The following MSRB3 variants were observed in gnomAD, a reference collection of about 807,000 sequenced individuals.
MSRB3 encodes methionine-R-sulfoxide reductase B3.
MSRB3 carries 13 observed loss-of-function variants against 21.0 expected under a neutral mutation model. The ratio of observed to expected loss-of-function variants is 0.62; its 90% CI spans 0.40 to 0.98. The LOEUF (loss-of-function observed/expected upper bound fraction) is 0.98. Ranked by LOEUF, MSRB3 falls within the 50% of genes least tolerant of loss-of-function variation. The pLI is 0.00. For missense variants in MSRB3, 199 were observed against 230.3 expected, an observed-to-expected ratio of 0.86 and a Z score of 0.88; for synonymous variants, 87 against 88.6, an observed-to-expected ratio of 0.98 and a Z score of 0.10.
rs186876248 is a variant in MSRB3 at position 65,312,116 on chromosome 12, A to C, written c.76+3461A>C. On this transcript the variant is annotated intron_variant, in intron 2 of 6. Coordinates refer to ENST00000308259, the MANE Select transcript of MSRB3 (RefSeq NM_001031679.3). ...CTGTCCTTAACTTGCGTGACCTTGA[A>C]CAAATCAATAAACTTCTCCTGATCA... Among the ~76,000 whole-genome samples, 12 of 152,216 alleles carry C rather than the reference A, an allele frequency of 7.9e-5. 1 individual carries two copies. In the East Asian group the frequency reaches 2.3e-3, roughly 29 times the overall value.
intron 4 of MSRB3, among the ~76,000 whole-genome samples, chr12:65,349,445 A>G (rs1224308713): frequency 6.6e-6 from 1 of 151,624 alleles, no homozygotes; most frequent in Non-Finnish European, 1.5e-5. Context: ...GGCTGGGTCA[A>G]ATGGTATTTC....
intron 6 of MSRB3, among the ~76,000 whole-genome samples, chr12:65,459,724 A>G (rs1330670754): frequency 2.6e-5 from 4 of 152,240 alleles, no homozygotes; most frequent in Non-Finnish European, 5.9e-5. Context: ...CATCCTAGGA[A>G]TAGCTAGGAG....
At chr12:65,434,577 G>A (rs1175465416) in intron 5 of MSRB3, among the ~76,000 whole-genome samples, 2 of 151,782 alleles carry the variant, frequency 1.3e-5, no homozygotes. Flanking sequence ...AATAAGCGTT[G>A]GGACTTGGAG....
chr12:65,378,814 T>G (rs1359906023), intron 5 of MSRB3, among the ~76,000 whole-genome samples: 3 of 152,334 alleles, frequency 2.0e-5, no homozygotes, highest in Middle Eastern at 3.4e-3. Flanking sequence ...AATTTTCACA[T>G]GAGTGAGAAT....
intron 2 of MSRB3, among the ~76,000 whole-genome samples, chr12:65,317,784 G>A (rs543999219): frequency 3.9e-5 from 6 of 152,220 alleles, no homozygotes; most frequent in Admixed American, 3.9e-4. Context: ...GATTTATTAA[G>A]CAAATGTTAT....
intron 1 of MSRB3, chr12:65,281,557 CA>C (rs1228922078): frequency 6.6e-6 from 1 of 152,186 alleles, no homozygotes; most frequent in Non-Finnish European, 1.5e-5. Flanking sequence ...CACAAAGATA[CA>C]TACATACCTG....
intron 6 of MSRB3, among the ~76,000 whole-genome samples, chr12:65,457,818 C>A (rs1883159359): frequency 6.6e-6 from 1 of 151,170 alleles, no homozygotes; most frequent in South Asian, 2.1e-4. Context: ...CAAAAGAAGA[C>A]ATTTATGCAG....
intron 4 of MSRB3, among the ~76,000 whole-genome samples, chr12:65,359,993 T>C (rs1027327712): frequency 1.3e-5 from 2 of 152,022 alleles, no homozygotes; most frequent in Admixed American, 1.3e-4. Flanking sequence ...AAGATCAAGA[T>C]GTCACCAGGT....
chr12:65,429,828 A>G (rs1036466849), intron 5 of MSRB3, among the ~76,000 whole-genome samples: 2 of 152,210 alleles, frequency 1.3e-5, no homozygotes, highest in Non-Finnish European at 2.9e-5. Flanking sequence ...TGCACAGTTC[A>G]TACAGACCTC....
intron 5 of MSRB3, among the ~76,000 whole-genome samples, chr12:65,414,917 T>TTG: frequency 6.6e-6 from 1 of 152,154 alleles, no homozygotes; most frequent in South Asian, 2.1e-4. Flanking sequence ...TAGAGGTGCT[T>TTG]ATAAGTCATC....
chr12:65,357,381 A>G (rs770404264), intron 4 of MSRB3, among the ~76,000 whole-genome samples: 65 of 152,010 alleles, frequency 4.3e-4, no homozygotes, highest in Non-Finnish European at 4.7e-4. Context: ...TAAAAAATCG[A>G]CTTCATTTTT....
intron 5 of MSRB3, among the ~76,000 whole-genome samples, chr12:65,385,246 C>T (rs1368772428): frequency 6.6e-6 from 1 of 152,024 alleles, no homozygotes; most frequent in Admixed American, 6.5e-5. Flanking sequence ...AAATATGTGG[C>T]AAATTATATG....
intron 5 of MSRB3, among the ~76,000 whole-genome samples, chr12:65,437,666 C>G (rs1243526155): frequency 6.6e-6 from 1 of 151,730 alleles, no homozygotes; most frequent in East Asian, 1.9e-4. Flanking sequence ...TGTCATGACA[C>G]TGTTTGCCTA....
intron 2 of MSRB3, among the ~76,000 whole-genome samples, chr12:65,325,319 C>T (rs771978183): frequency 5.3e-5 from 8 of 152,130 alleles, no homozygotes; most frequent in Non-Finnish European, 1.2e-4. Context: ...ATCAACATGC[C>T]ATTAGTGACA....
In MSRB3 at chr12:65,391,992, T is replaced by C. The variant is rs76197069; in HGVS notation, c.292+22966T>C. Among the ~76,000 whole-genome samples, 975 of 152,292 alleles carry C rather than the reference T, an allele frequency of 6.4e-3. 9 individuals are homozygous for C. Among genetic ancestry groups the C allele is most frequent in the Non-Finnish European group, 7.7e-3 (527 of 68,034 alleles). ...GGCCTGCCTGATTTTCCTGCTACAGTAGTACTGTTACGTGCACCTGGAATT... is the reference window on the plus strand; with the variant it reads ...GGCCTGCCTGATTTTCCTGCTACAGCAGTACTGTTACGTGCACCTGGAATT... On this transcript the variant is annotated intron_variant, in intron 5 of 6. Transcript: ENST00000308259.
At chr12:65,332,693 A>C (rs949953247) in intron 4 of MSRB3, among the ~76,000 whole-genome samples, 3 of 152,206 alleles carry the variant, frequency 2.0e-5, no homozygotes, top group Non-Finnish European at 2.9e-5. Context: ...TTCACACTTA[A>C]AGTATATGTG....
intron 5 of MSRB3, among the ~76,000 whole-genome samples, 184 bp from the exon 6 acceptor site, chr12:65,453,544 A>G (rs1243695350): frequency 2.0e-5 from 3 of 152,242 alleles, no homozygotes; most frequent in East Asian, 3.8e-4. Flanking sequence ...AAAGGGTTAA[A>G]AAATAACTGT....
chr12:65,389,614 C>T (rs1367232690), intron 5 of MSRB3, among the ~76,000 whole-genome samples: 2 of 152,182 alleles, frequency 1.3e-5, no homozygotes, highest in African/African-American at 4.8e-5. Context: ...TCTTCAACCT[C>T]CATGTCCCGA....
At chr12:65,395,854 T>A (rs1879749166) in intron 5 of MSRB3, among the ~76,000 whole-genome samples, 1 of 152,228 alleles carries the variant, frequency 6.6e-6, no homozygotes, top group Non-Finnish European at 1.5e-5. Flanking sequence ...AGTGATGACC[T>A]CTTTTTCATT....
Sources: allele counts gnomAD v4.1 joint callset (sites outside exome capture counted in the v4.1 genomes callset), GRCh38; gene constraint gnomAD v4.1.1; transcripts MANE v1.5; gene names NCBI Gene and HGNC (gene_info 2026-07-23, HGNC 2026-07-21).